Variants in PAFAH1B1 observed in about 807,000 individuals in gnomAD.
The protein encoded by PAFAH1B1 is platelet activating factor acetylhydrolase 1b regulatory subunit 1, also known as platelet-activating factor acetylhydrolase IB subunit beta.
Under a neutral mutation model 57.5 loss-of-function variants are expected in PAFAH1B1, and 2 were observed. The ratio of observed to expected loss-of-function variants is 0.03; its 90% CI spans 0.01 to 0.11. The LOEUF is 0.11. Ranked by LOEUF, PAFAH1B1 falls within the 10% of genes least tolerant of loss-of-function variation. The pLI, the probability that PAFAH1B1 is intolerant of heterozygous loss-of-function variation, is 1.00. For synonymous variants in PAFAH1B1, 152 were observed against 169.6 expected, an observed-to-expected ratio of 0.90 and a Z score of 0.81; for missense variants, 257 against 512.0, an observed-to-expected ratio of 0.50 and a Z score of 4.81.
chr17:2,644,489 G>C (rs965377525), intron 2 of PAFAH1B1, among the ~76,000 whole-genome samples: 1 of 151,752 alleles, frequency 6.6e-6, no homozygotes, highest in African/African-American at 2.4e-5. Flanking sequence ...GTTGCGGTGA[G>C]CCGCGATCAC....
At chr17:2,667,613 T>C (rs191295721) in intron 5 of PAFAH1B1, 1 of 233,400 alleles carries the variant, frequency 4.3e-6, no homozygotes, top group Admixed American at 5.2e-5. Flanking sequence ...GTGTGTGTCT[T>C]ACCTTTAAAC....
chr17:2,646,028 C>T (rs2068763661), intron 2 of PAFAH1B1, among the ~76,000 whole-genome samples: 1 of 151,928 alleles, frequency 6.6e-6, no homozygotes, highest in African/African-American at 2.4e-5. Flanking sequence ...ACATAGCCTA[C>T]AGAAAATACA....
At position 2,668,114 on chromosome 17, in the gene PAFAH1B1, C is replaced by T. The variant is rs57065426; in HGVS notation, c.399+916C>T. On this transcript the variant is annotated intron_variant, in intron 5 of 10. Coordinates refer to ENST00000397195, the MANE Select transcript of PAFAH1B1 (RefSeq NM_000430.4). ...CCGAGGCGGGTGGATTGCCTGAGCT[C>T]AGGAGTTCAAGACCAGCCTGAGCAA... Among the ~76,000 whole-genome samples the T allele has an allele frequency of 7.0e-4, 106 of 151,790 alleles. No homozygotes were observed. The East Asian group carries it at 0.02, about 28-fold the overall frequency.
intron 7 of PAFAH1B1, among the ~76,000 whole-genome samples, chr17:2,673,140 A>G (rs2069206192): frequency 6.6e-6 from 1 of 152,192 alleles, no homozygotes; most frequent in Non-Finnish European, 1.5e-5. Flanking sequence ...TGTTGCAGTC[A>G]CTTCGACTTT....
At chr17:2,665,878 A>G in intron 3 of PAFAH1B1, 138 bp from the exon 4 acceptor site, 1 of 887,002 alleles carries the variant, frequency 1.1e-6, no homozygotes, top group Non-Finnish European at 1.6e-6. Flanking sequence ...CTGGGATTAC[A>G]GGTGAGCCAC....
intron 2 of PAFAH1B1, among the ~76,000 whole-genome samples, chr17:2,643,212 C>T (rs570039213): frequency 1.3e-5 from 2 of 152,250 alleles, no homozygotes; most frequent in African/African-American, 2.4e-5. Flanking sequence ...TACACCTCAG[C>T]CTCCCGAGTA....
intron 1 of PAFAH1B1, among the ~76,000 whole-genome samples, chr17:2,611,864 G>A (rs1478285845): frequency 6.6e-6 from 1 of 152,106 alleles, no homozygotes; most frequent in Non-Finnish European, 1.5e-5. Context: ...GTGAGAAGTG[G>A]TAAATACGTG....
intron 1 of PAFAH1B1, among the ~76,000 whole-genome samples, chr17:2,626,716 G>T (rs753036231): frequency 2.6e-5 from 4 of 151,728 alleles, no homozygotes; most frequent in Non-Finnish European, 5.9e-5. Flanking sequence ...CACCAAGCCC[G>T]GCTAATTTTT....
intron 1 of PAFAH1B1, among the ~76,000 whole-genome samples, chr17:2,626,647 C>T (rs888865096): frequency 1.4e-5 from 2 of 147,404 alleles, no homozygotes; most frequent in Non-Finnish European, 3.0e-5. Flanking sequence ...CTCTGACTCC[C>T]TGGTTCAAGC....
chr17:2,635,076 T>C (rs1305881422), intron 1 of PAFAH1B1, among the ~76,000 whole-genome samples: 1 of 151,218 alleles, frequency 6.6e-6, no homozygotes, highest in African/African-American at 2.4e-5. Flanking sequence ...GGCAGGAGAA[T>C]CACTAGAAGC....
intron 1 of PAFAH1B1, among the ~76,000 whole-genome samples, chr17:2,623,497 A>G (rs2068450240): frequency 6.6e-6 from 1 of 151,838 alleles, no homozygotes; most frequent in South Asian, 2.1e-4. Context: ...TGACCTTGTG[A>G]TCTACCCGCC....
At chr17:2,616,615 A>T (rs892978806) in intron 1 of PAFAH1B1, among the ~76,000 whole-genome samples, 1 of 152,214 alleles carries the variant, frequency 6.6e-6, no homozygotes, top group Non-Finnish European at 1.5e-5. Context: ...TGCTGACTTA[A>T]ATGTTAATTG....
intron 2 of PAFAH1B1, among the ~76,000 whole-genome samples, chr17:2,662,190 A>G (rs1253495966): frequency 2.0e-5 from 3 of 152,168 alleles, no homozygotes. Flanking sequence ...GAATGCTGGC[A>G]TTTTCATAAA....
intron 1 of PAFAH1B1, among the ~76,000 whole-genome samples, chr17:2,597,576 A>C (rs1347409356): frequency 6.6e-6 from 1 of 151,530 alleles, no homozygotes; most frequent in African/African-American, 2.4e-5. Context: ...ACACCTGGCT[A>C]ATTTTTGTAT....
chr17:2,619,619 A>G (rs1443056088), intron 1 of PAFAH1B1, among the ~76,000 whole-genome samples: 1 of 151,936 alleles, frequency 6.6e-6, no homozygotes, highest in Non-Finnish European at 1.5e-5. Context: ...TAATTGTAAT[A>G]GGTAACATAT....
At chr17:2,659,372 G>C (rs1349111787) in intron 2 of PAFAH1B1, 1 of 239,572 alleles carries the variant, frequency 4.2e-6, no homozygotes, top group Non-Finnish European at 8.6e-6. Context: ...CCCCGTCTCT[G>C]CTAAAAATGC....
At chr17:2,601,641 C>T (rs1031524850) in intron 1 of PAFAH1B1, among the ~76,000 whole-genome samples, 2 of 152,158 alleles carry the variant, frequency 1.3e-5, no homozygotes, top group African/African-American at 4.8e-5. Flanking sequence ...GGAGTATCAC[C>T]ATGTTGGTCA....
intron 1 of PAFAH1B1, among the ~76,000 whole-genome samples, chr17:2,619,057 A>G (rs1386467485): frequency 6.6e-6 from 1 of 151,974 alleles, no homozygotes; most frequent in African/African-American, 2.4e-5. Flanking sequence ...AAGTAAGCCA[A>G]TTTCAGGGAC....
intron 5 of PAFAH1B1, among the ~76,000 whole-genome samples, chr17:2,667,783 A>G (rs1423618919): frequency 6.6e-6 from 1 of 151,958 alleles, no homozygotes; most frequent in African/African-American, 2.4e-5. Flanking sequence ...TTTTCATTTT[A>G]TAAATTACGT....
Sources: gnomAD v4.1 joint callset for allele counts (sites outside exome capture counted in the v4.1 genomes callset) on GRCh38, gnomAD v4.1.1 for gene constraint, MANE v1.5 for transcripts, NCBI Gene and HGNC (gene_info 2026-07-23, HGNC 2026-07-21) for gene names.